The following FANCI variants were observed in gnomAD, a reference collection of about 807,000 sequenced individuals.
FANCI encodes the protein Fanconi anemia group I protein.
A neutral mutation model predicts 176.1 loss-of-function variants in FANCI; 156 were observed. That is an observed-to-expected ratio of 0.89 (90% CI 0.78 to 1.01). The LOEUF (loss-of-function observed/expected upper bound fraction) is 1.01. FANCI is among the 50% of genes least tolerant of loss of function. FANCI has a pLI of 0.00. For synonymous variants in FANCI, 613 were observed against 541.7 expected (o/e 1.13, Z -1.83); for missense variants, 1,678 against 1,534.1 (o/e 1.09, Z -1.57).
At chr15:89,288,390 G>A (rs16942963) in intron 18 of FANCI, among the ~76,000 whole-genome samples, 5,520 of 152,086 alleles carry the variant, frequency 0.036, 352 homozygotes, top group African/African-American at 0.12. Context: ...TTAACATGAA[G>A]TGGATCATAG....
Position 89,307,667 on chromosome 15 carries a change from G to T in FANCI, c.3646G>T (p.Val1216Leu), listed in dbSNP as rs978000003. The T allele has an allele frequency of 1.9e-6, 3 of 1,613,922 alleles. No individual in the cohort carries two copies. Among genetic ancestry groups the T allele is most frequent in the Non-Finnish European group, 2.5e-6 (3 of 1,180,014 alleles). The change falls in exon 34 of 38, where the codon GTA becomes TTA. Residue 1216 changes from valine to leucine, a missense_variant. Transcript: ENST00000310775. Reference protein sequence around the residue: ...TPLCYSFISYVQNKSKSLNYT... With the variant: ...TPLCYSFISYLQNKSKSLNYT... ...CCTGTGTTATTCTTTCATTTCTTAC[G>T]TACAGGTAAGAGATTCAGAGGCAGT...
At chr15:89,309,521 G>A (rs2054870902) in intron 34 of FANCI, among the ~76,000 whole-genome samples, 1 of 152,184 alleles carries the variant, frequency 6.6e-6, no homozygotes, top group Admixed American at 6.5e-5. Context: ...CTTGAGGCCA[G>A]GAGTTCAAGA....
At chr15:89,256,405 C>T (rs1398880802) in intron 2 of FANCI, among the ~76,000 whole-genome samples, 3 of 152,196 alleles carry the variant, frequency 2.0e-5, no homozygotes, top group Non-Finnish European at 4.4e-5. Context: ...TAGTCAGATA[C>T]TTCTTTATTA....
Position 89,274,599 on chromosome 15 carries a change from C to CTTTTTTTT in FANCI, c.1112+311_1112+318dup, listed in dbSNP as rs1157910630. Among the ~76,000 whole-genome samples, 130 of 82,838 alleles carry CTTTTTTTT rather than the reference C, an allele frequency of 1.6e-3. 6 individuals are homozygous for CTTTTTTTT. Among genetic ancestry groups the CTTTTTTTT allele is most frequent in the East Asian group, 3.6e-3 (9 of 2,532 alleles). The allele number at this position is 82,838 out of a possible 152,430, so 54.3% of individuals were successfully genotyped here. A position where few individuals can be genotyped will look rare whatever the true frequency, so the allele number is the denominator to read the frequency against. ...TCTCTATTTTCCTTTTCTTTCTTTC[C>CTTTTTTTT]TTTTTTTTTTTTTTTTTTTTTTTGA... On this transcript the variant is annotated intron_variant, in intron 12 of 37. Transcript: ENST00000310775.
intron 19 of FANCI, chr15:89,290,624 A>C: frequency 3.9e-6 from 1 of 255,286 alleles, no homozygotes; most frequent in Non-Finnish European, 7.7e-6. Flanking sequence ...ATATAGCAAA[A>C]TATTATTTCT....
intron 24 of FANCI, among the ~76,000 whole-genome samples, chr15:89,296,749 C>G (rs1392973347): frequency 6.6e-6 from 1 of 152,048 alleles, no homozygotes; most frequent in African/African-American, 2.4e-5. Flanking sequence ...CAGAGGGGCT[C>G]CTCACTTCCC....
chr15:89,256,415 A>G (rs2052495070), intron 2 of FANCI, among the ~76,000 whole-genome samples: 3 of 152,188 alleles, frequency 2.0e-5, no homozygotes. Context: ...CTTCTTTATT[A>G]TATATTTAAT....
At chr15:89,288,196 T>C (rs1189700445) in intron 18 of FANCI, among the ~76,000 whole-genome samples, 3 of 152,222 alleles carry the variant, frequency 2.0e-5, no homozygotes, top group Non-Finnish European at 4.4e-5. Context: ...CACTCTTCTT[T>C]AGGGTGAGCT....
chr15:89,301,740 A>G lies in FANCI; in HGVS notation c.3006+298A>G, dbSNP rs539117629. Among the ~76,000 whole-genome samples the G allele has an allele frequency of 4.9e-4, 74 of 151,740 alleles. No individual in the cohort carries two copies. The Middle Eastern group carries it at 0.01, about 21-fold the overall frequency. On this transcript the variant is annotated intron_variant, in intron 27 of 37. Coordinates refer to ENST00000310775, the MANE Select transcript of FANCI (RefSeq NM_001113378.2). ...CCTGTGTTGATCTTTGGTGCCTTCA[A>G]CCTTCTTAAACCTGTGTTCTTTGCC...
intron 32 of FANCI, among the ~76,000 whole-genome samples, chr15:89,307,072 G>T (rs1178766687): frequency 6.6e-6 from 1 of 152,200 alleles, no homozygotes; most frequent in Non-Finnish European, 1.5e-5. Flanking sequence ...ATCCAAGAAA[G>T]ATGTGGACCA....
intron 22 of FANCI, among the ~76,000 whole-genome samples, chr15:89,293,550 T>C (rs980271941): frequency 1.3e-5 from 2 of 152,092 alleles, no homozygotes; most frequent in African/African-American, 4.8e-5. Flanking sequence ...AGCCAGGTGT[T>C]AGTGCCTGGG....
chr15:89,307,107 T>G (rs2151937281), intron 32 of FANCI, among the ~76,000 whole-genome samples: 1 of 152,352 alleles, frequency 6.6e-6, no homozygotes, highest in Non-Finnish European at 1.5e-5. Context: ...AGTGTGGCTC[T>G]CTCAGAATGT....
At chr15:89,297,039 A>G (rs2054315755) in intron 24 of FANCI, among the ~76,000 whole-genome samples, 1 of 144,972 alleles carries the variant, frequency 6.9e-6, no homozygotes. Context: ...TCCCTCCTGG[A>G]CGGGGTGGCT....
chr15:89,296,520 C>G (rs189727093), intron 24 of FANCI, among the ~76,000 whole-genome samples: 1 of 152,154 alleles, frequency 6.6e-6, no homozygotes, highest in Non-Finnish European at 1.5e-5. Flanking sequence ...GGTAAGGTCA[C>G]AGATCAACAG....
intron 2 of FANCI, among the ~76,000 whole-genome samples, chr15:89,258,241 A>G (rs1032475400): frequency 2.6e-5 from 4 of 152,118 alleles, no homozygotes; most frequent in African/African-American, 9.7e-5. Flanking sequence ...ACTTCTGAGA[A>G]GCTTCCCCTT....
rs1390448198 is a variant in FANCI at position 89,314,609 on chromosome 15, T to G, written c.3721-3T>G. 2 of 1,612,128 alleles carry G rather than the reference T, an allele frequency of 1.2e-6. No individual in the cohort carries two copies. Among genetic ancestry groups the G allele is most frequent in the Non-Finnish European group, 1.7e-6 (2 of 1,178,282 alleles). On this transcript the variant is annotated splice_polypyrimidine_tract_variant and splice_region_variant and intron_variant, in intron 35 of 37. Coordinates refer to ENST00000310775, the MANE Select transcript of FANCI (RefSeq NM_001113378.2). ...ATTTAAGTCTTATGTTCTTTGCCCT[T>G]AGGCCAGAGTTCTTCGGGAAACCAA...
At chr15:89,293,180 T>G in intron 22 of FANCI, 117 bp downstream of exon 22, 1 of 1,090,122 alleles carries the variant, frequency 9.2e-7, no homozygotes, top group Non-Finnish European at 1.4e-6. Flanking sequence ...CACTGTCTCT[T>G]AAATGAGCAC....
At chr15:89,282,664 C>T in intron 16 of FANCI, 1 of 222,942 alleles carries the variant, frequency 4.5e-6, no homozygotes, top group Non-Finnish European at 9.0e-6. Flanking sequence ...TACGTTGTAA[C>T]ATCTTTAACA....
chr15:89,261,477 C>G, intron 4 of FANCI, 108 bp from the exon 5 acceptor site: 1 of 1,384,556 alleles, frequency 7.2e-7, no homozygotes, highest in East Asian at 2.3e-5. Context: ...GGGACCAGTT[C>G]TGGATCTCGG....
Sources: gnomAD v4.1 joint callset for allele counts (sites outside exome capture counted in the v4.1 genomes callset) on GRCh38, gnomAD v4.1.1 for gene constraint, MANE v1.5 for transcripts, NCBI Gene and HGNC (gene_info 2026-07-23, HGNC 2026-07-21) for gene names.